The following PPM1B variants were observed in gnomAD, a reference collection of about 807,000 sequenced individuals.
PPM1B encodes protein phosphatase, Mg2+/Mn2+ dependent 1B, also known as protein phosphatase 1B.
PPM1B carries 22 observed loss-of-function variants against 43.0 expected under a neutral mutation model. The observed-to-expected ratio is 0.51, with a 90% confidence interval of 0.37 to 0.73. The LOEUF (loss-of-function observed/expected upper bound fraction) is 0.73. Ranked by LOEUF, PPM1B falls within the 30% of genes least tolerant of loss-of-function variation. The pLI, the probability that PPM1B is intolerant of heterozygous loss-of-function variation, is 0.00. For missense variants in PPM1B, 632 were observed against 584.2 expected (o/e 1.08, Z -0.84); for synonymous variants, 217 against 197.9 (o/e 1.10, Z -0.81).
rs973103897 is a variant in PPM1B at position 44,168,924 on chromosome 2, C to A, written c.-365C>A. ...CTCAATGGCGGAAAAGCCGCCGGTGCTCTGACGGCCTCGTTCCCCTAGCAG... is the reference window on the plus strand; with the variant it reads ...CTCAATGGCGGAAAAGCCGCCGGTGATCTGACGGCCTCGTTCCCCTAGCAG... On this transcript the variant is annotated 5_prime_UTR_variant, in exon 1 of 6. Coordinates refer to ENST00000282412, the MANE Select transcript of PPM1B (RefSeq NM_002706.6). 6.5e-6 allele frequency: 1 copy of A among 153,418 alleles called. No homozygotes were observed. Among genetic ancestry groups the A allele is most frequent in the South Asian group, 1.9e-4 (1 of 5,272 alleles). The allele number at this position is 153,418 out of a possible 1,614,324, so 9.5% of individuals were successfully genotyped here.
chr2:44,212,050 T>C (rs1395669782), intron 3 of PPM1B, among the ~76,000 whole-genome samples: 1 of 152,104 alleles, frequency 6.6e-6, no homozygotes, highest in African/African-American at 2.4e-5. Context: ...GCGCCTGGTT[T>C]AGTCATTCTT....
intron 5 of PPM1B, among the ~76,000 whole-genome samples, chr2:44,220,247 G>A (rs1669911771): frequency 6.8e-6 from 1 of 147,082 alleles, no homozygotes. Flanking sequence ...ACCCTCATGT[G>A]TAATCTTTAA....
Position 44,224,631 on chromosome 2 carries a change from G to A in PPM1B, c.1135-5782G>A, listed in dbSNP as rs566757788. 3.3e-5 allele frequency among the ~76,000 whole-genome samples: 5 copies of A among 151,996 alleles called. No individual in the cohort carries two copies. In the South Asian group the frequency reaches 1.0e-3, roughly 31 times the overall value. On this transcript the variant is annotated intron_variant, in intron 5 of 5. Transcript: ENST00000282412. ...ATCTAATTTCTATGTCTTATTTGGT[G>A]TAAGTTAGTATTTTCATCATGAGAG...
At chr2:44,224,774 T>C (rs1458555487) in intron 5 of PPM1B, among the ~76,000 whole-genome samples, 1 of 152,162 alleles carries the variant, frequency 6.6e-6, no homozygotes, top group African/African-American at 2.4e-5. Flanking sequence ...TACAGAATAA[T>C]TGTAAACATC....
In PPM1B at chr2:44,180,939, C is replaced by A. The variant is rs189650723; in HGVS notation, c.-15+11665C>A. The stretch of plus-strand genomic sequence containing the variant: ...GTGGTAGGAAGAGTTGGGATGACAT[C>A]AAGGTGGAAGAAGTGTTTTGTTTTG... On this transcript the variant is annotated intron_variant, in intron 1 of 5. Coordinates refer to ENST00000282412, the MANE Select transcript of PPM1B (RefSeq NM_002706.6). 2.7e-4 allele frequency among the ~76,000 whole-genome samples: 41 copies of A among 151,960 alleles called. No individual in the cohort carries two copies. In the South Asian group the frequency reaches 4.6e-3, roughly 17 times the overall value.
At chr2:44,174,894 G>A (rs1337670751) in intron 1 of PPM1B, among the ~76,000 whole-genome samples, 2 of 152,164 alleles carry the variant, frequency 1.3e-5, no homozygotes, top group Non-Finnish European at 2.9e-5. Context: ...TCTGACTAAA[G>A]CATTTATCTC....
At chr2:44,235,800 G>A (rs1392432741), downstream of PPM1B, among the ~76,000 whole-genome samples, 3 of 151,904 alleles carry the variant, frequency 2.0e-5, no homozygotes, top group Admixed American at 2.0e-4. Flanking sequence ...TTGGGAAACT[G>A]AGGCAGGAGG....
chr2:44,180,224 G>C (rs1356392457), intron 1 of PPM1B, among the ~76,000 whole-genome samples: 1 of 152,018 alleles, frequency 6.6e-6, no homozygotes, highest in Non-Finnish European at 1.5e-5. Context: ...GCTTAATCTT[G>C]ATCTTTCTTT....
chr2:44,213,013 CAAAAA>C (rs57091283), intron 3 of PPM1B, among the ~76,000 whole-genome samples: 2 of 65,326 alleles, frequency 3.1e-5, no homozygotes, highest in Admixed American at 1.8e-4. Flanking sequence ...ACTCCGTTTC[CAAAAA>C]AAAAAAAAAA....
intron 1 of PPM1B, among the ~76,000 whole-genome samples, chr2:44,200,573 T>C (rs1668886844): frequency 6.6e-6 from 1 of 152,182 alleles, no homozygotes; most frequent in Non-Finnish European, 1.5e-5. Context: ...TTTATAGATA[T>C]ATAGTAAAAG....
intron 5 of PPM1B, among the ~76,000 whole-genome samples, chr2:44,227,922 C>CTTTTTTTTTTTTT (rs59259343): frequency 5.6e-5 from 6 of 106,800 alleles, no homozygotes; most frequent in Non-Finnish European, 1.1e-4. Flanking sequence ...TTTTTCTTTT[C>CTTTTTTTTTTTTT]TTTTTTTTTT....
At chr2:44,208,655 G>A (rs1669307273) in intron 2 of PPM1B, among the ~76,000 whole-genome samples, 1 of 152,238 alleles carries the variant, frequency 6.6e-6, no homozygotes, top group South Asian at 2.1e-4. Context: ...GGAGGTTGCA[G>A]TGAGCCAAGA....
chr2:44,232,346 C>A, downstream of PPM1B: 1 of 1,603,956 alleles, frequency 6.2e-7, no homozygotes, highest in Non-Finnish European at 8.5e-7. Flanking sequence ...CCCATGGTAG[C>A]CTTAAAAACC....
At chr2:44,188,821 CT>C (rs550558644) in intron 1 of PPM1B, among the ~76,000 whole-genome samples, 179 of 149,810 alleles carry the variant, frequency 1.2e-3, no homozygotes, top group African/African-American at 3.9e-3. Flanking sequence ...CCCCCTCCCC[CT>C]ACCTCCTCCC....
chr2:44,224,598 CTTGAT>C (rs765777033), intron 5 of PPM1B, among the ~76,000 whole-genome samples: 13 of 151,786 alleles, frequency 8.6e-5, no homozygotes, highest in Non-Finnish European at 1.5e-4. Flanking sequence ...CTACTCTCTG[CTTGAT>C]TTATCTAATT....
downstream of PPM1B, chr2:44,233,347 A>T (rs1466543266): frequency 2.0e-6 from 2 of 983,386 alleles, no homozygotes; most frequent in South Asian, 4.7e-5. Flanking sequence ...TTCATTTTAT[A>T]ACATTGGGCA....
At chr2:44,230,187 T>C in intron 5 of PPM1B, 1 of 1,421,998 alleles carries the variant, frequency 7.0e-7, no homozygotes, top group Non-Finnish European at 9.2e-7. Context: ...GACTGTGAAA[T>C]AAGACATAAA....
chr2:44,198,270 C>T (rs1321213267), intron 1 of PPM1B, among the ~76,000 whole-genome samples: 1 of 152,168 alleles, frequency 6.6e-6, no homozygotes, highest in Admixed American at 6.5e-5. Flanking sequence ...AAGCAATTCT[C>T]CTGTCTCAGC....
chr2:44,218,929 T>C, intron 5 of PPM1B: 1 of 456,800 alleles, frequency 2.2e-6, no homozygotes, highest in Non-Finnish European at 4.4e-6. Flanking sequence ...GAGTGAGTTG[T>C]TATTTTAATA....
Sources: gnomAD v4.1 joint callset for allele counts (sites outside exome capture counted in the v4.1 genomes callset) on GRCh38, gnomAD v4.1.1 for gene constraint, MANE v1.5 for transcripts, NCBI Gene and HGNC (gene_info 2026-07-23, HGNC 2026-07-21) for gene names.